EIF4G3: variants seen among roughly 807,000 people sequenced by gnomAD.
EIF4G3 encodes the protein eIF-4-gamma 3.
In EIF4G3, 34 loss-of-function variants were observed where a neutral mutation model predicts 186.4. That is an observed-to-expected ratio of 0.18 (90% CI 0.14 to 0.24). The LOEUF (loss-of-function observed/expected upper bound fraction) is 0.24. EIF4G3 is among the 10% of genes least tolerant of loss of function. EIF4G3 has a pLI of 1.00. For missense variants in EIF4G3, 1,536 were observed against 1,948.5 expected, an observed-to-expected ratio of 0.79 and a Z score of 3.99; for synonymous variants, 673 against 679.5, an observed-to-expected ratio of 0.99 and a Z score of 0.15.
intron 14 of EIF4G3, among the ~76,000 whole-genome samples, chr1:20,934,636 T>G (rs2095457291): frequency 1.3e-5 from 2 of 152,068 alleles, no homozygotes; most frequent in Admixed American, 6.5e-5. Flanking sequence ...ATGGTTGGGA[T>G]GGACAGTGTG....
chr1:21,118,269 C>T (rs916582093), intron 2 of EIF4G3, among the ~76,000 whole-genome samples: 9 of 152,152 alleles, frequency 5.9e-5, no homozygotes, highest in Non-Finnish European at 1.0e-4. Flanking sequence ...GTATACAACA[C>T]TTTGAAAATA....
intron 2 of EIF4G3, among the ~76,000 whole-genome samples, chr1:21,144,764 C>G (rs2097405905): frequency 1.3e-5 from 2 of 151,888 alleles, no homozygotes; most frequent in South Asian, 4.1e-4. Flanking sequence ...TCAAAAAGCC[C>G]ACGAAGGTGC....
chr1:21,112,451 TAACAGG>T (rs2096742253), intron 2 of EIF4G3, among the ~76,000 whole-genome samples: 2 of 152,136 alleles, frequency 1.3e-5, no homozygotes, highest in African/African-American at 4.8e-5. Flanking sequence ...GTTATAACAT[TAACAGG>T]AAGAATACAA....
At chr1:21,113,455 A>C (rs748576605) in intron 2 of EIF4G3, among the ~76,000 whole-genome samples, 12 of 151,960 alleles carry the variant, frequency 7.9e-5, no homozygotes, top group Non-Finnish European at 1.5e-4. Context: ...GTATTTTAAC[A>C]CTCTTTCCTA....
intron 4 of EIF4G3, among the ~76,000 whole-genome samples, chr1:21,034,994 G>A (rs2093060841): frequency 1.3e-5 from 2 of 152,106 alleles, no homozygotes. Context: ...TGCCAGTCCA[G>A]GCCCGGTGAG....
chr1:21,142,302 C>A (rs527384767), intron 2 of EIF4G3, among the ~76,000 whole-genome samples: 2 of 151,400 alleles, frequency 1.3e-5, no homozygotes, highest in South Asian at 4.2e-4. Flanking sequence ...GAGTTTGAGA[C>A]CAGCCTGGGC....
At position 20,849,443 on chromosome 1, in the gene EIF4G3, T is replaced by G; in HGVS notation, c.3860A>C (p.Asp1287Ala). 6.4e-7 allele frequency: 1 copy of G among 1,555,816 alleles called. No homozygotes were observed. The highest frequency in any genetic ancestry group is 1.2e-5 in the South Asian group (1 of 80,410). ...AAAATCATTAATGTGTAGAAATTCA[T>G]CAATGATAGATTTCGACTTCCTCTC... is the stretch of plus-strand genomic sequence containing the variant. Reference protein sequence around the residue: ...ELERKSKSIIDEFLHINDFKE... With the variant: ...ELERKSKSIIAEFLHINDFKE... Residue 1287 changes from aspartate (D) to alanine (A), a missense_variant, in exon 29 of 37, where the codon GAT becomes GCT. Asp to Ala is a moderately radical substitution (Grantham distance 126, BLOSUM62 -2). Transcript: ENST00000602326.
At chr1:20,854,581 T>G in intron 26 of EIF4G3, among the ~76,000 whole-genome samples, 1 of 149,936 alleles carries the variant, frequency 6.7e-6, no homozygotes. Context: ...GGCGTGCACC[T>G]GTAGTCCCAG....
intron 13 of EIF4G3, among the ~76,000 whole-genome samples, chr1:20,949,789 G>C (rs755955269): frequency 1.3e-5 from 2 of 152,126 alleles, no homozygotes; most frequent in Non-Finnish European, 2.9e-5. Context: ...CTAACAGTGA[G>C]AGATTAAACA....
intron 4 of EIF4G3, among the ~76,000 whole-genome samples, chr1:21,003,335 C>T (rs903196230): frequency 6.6e-6 from 1 of 151,976 alleles, no homozygotes; most frequent in African/African-American, 2.4e-5. Flanking sequence ...AAGCTGGTCT[C>T]AAACTCCTGG....
At chr1:21,057,663 G>A (rs191375421) in intron 3 of EIF4G3, among the ~76,000 whole-genome samples, 23 of 151,970 alleles carry the variant, frequency 1.5e-4, no homozygotes, top group African/African-American at 5.1e-4. Context: ...TTATATGAAC[G>A]TGTATTTTAA....
chr1:20,966,618 C>G (rs999125099), intron 12 of EIF4G3, among the ~76,000 whole-genome samples: 1 of 151,832 alleles, frequency 6.6e-6, no homozygotes, highest in African/African-American at 2.4e-5. Context: ...ATTACAGGTG[C>G]CTGCCACCAC....
intron 14 of EIF4G3, among the ~76,000 whole-genome samples, chr1:20,910,080 T>C (rs1433924107): frequency 6.6e-6 from 1 of 151,848 alleles, no homozygotes; most frequent in Non-Finnish European, 1.5e-5. Context: ...ACTGCCACAC[T>C]TGACCCAATC....
intron 18 of EIF4G3, among the ~76,000 whole-genome samples, chr1:20,886,877 A>G (rs2084345535): frequency 1.3e-5 from 2 of 152,222 alleles, no homozygotes; most frequent in Middle Eastern, 3.4e-3. Context: ...TATATCATCA[A>G]TGAGAGTCAA....
At chr1:21,048,549 T>C (rs1204182441) in intron 4 of EIF4G3, among the ~76,000 whole-genome samples, 6 of 152,046 alleles carry the variant, frequency 3.9e-5, no homozygotes, top group East Asian at 1.9e-4. Flanking sequence ...CTCATGGACA[T>C]AGCTTCATCA....
intron 14 of EIF4G3, among the ~76,000 whole-genome samples, chr1:20,940,004 A>C (rs2095657264): frequency 6.6e-6 from 1 of 151,852 alleles, no homozygotes; most frequent in South Asian, 2.1e-4. Flanking sequence ...ACAGGCCCAC[A>C]CTGCCATGCC....
chr1:20,960,532 G>A (rs558733489), intron 12 of EIF4G3, among the ~76,000 whole-genome samples: 69 of 152,062 alleles, frequency 4.5e-4, no homozygotes, highest in Middle Eastern at 6.8e-3. Flanking sequence ...CAGGATTATC[G>A]CTTGAATTCA....
chr1:20,956,617 C>CAAAAAAAAAAAAAAAAAAAA (rs61623629), intron 12 of EIF4G3, among the ~76,000 whole-genome samples: 1 of 114,574 alleles, frequency 8.7e-6, no homozygotes, highest in Admixed American at 1.0e-4. Context: ...GTATAATTTA[C>CAAAAAAAAAAAAAAAAAAAA]AAAAAAAAAA....
chr1:21,009,932 C>T (rs1385322005), intron 4 of EIF4G3, among the ~76,000 whole-genome samples: 10 of 151,900 alleles, frequency 6.6e-5, no homozygotes, highest in Admixed American at 6.6e-4. Flanking sequence ...GGATTACAGA[C>T]GTGAGCCACC....
Sources: gnomAD v4.1 joint callset for allele counts (sites outside exome capture counted in the v4.1 genomes callset) on GRCh38, gnomAD v4.1.1 for gene constraint, MANE v1.5 for transcripts, NCBI Gene and HGNC (gene_info 2026-07-23, HGNC 2026-07-21) for gene names.